MROH2B: variants seen among roughly 807,000 people sequenced by gnomAD.
MROH2B encodes maestro heat like repeat family member 2B, also known as maestro heat-like repeat-containing protein family member 2B.
MROH2B carries 177 observed loss-of-function variants against 208.6 expected under a neutral mutation model. The observed-to-expected ratio is 0.85, with a 90% CI of 0.75 to 0.96. The LOEUF (loss-of-function observed/expected upper bound fraction) is 0.96. Ranked by LOEUF, MROH2B falls within the 40% of genes least tolerant of loss-of-function variation. MROH2B has a pLI of 0.00. For missense variants in MROH2B, 2,002 were observed against 1,878.7 expected (o/e 1.07, Z -1.21); for synonymous variants, 728 against 659.0 (o/e 1.10, Z -1.60).
intron 40 of MROH2B, among the ~76,000 whole-genome samples, chr5:40,998,952 G>T (rs1741299257): frequency 6.6e-6 from 1 of 152,186 alleles, no homozygotes; most frequent in Non-Finnish European, 1.5e-5. Context: ...GATTTCAAAT[G>T]TGTGTAAGAT....
chr5:41,019,393 A>G (rs1561282685), intron 24 of MROH2B, among the ~76,000 whole-genome samples: 2 of 152,176 alleles, frequency 1.3e-5, no homozygotes, highest in South Asian at 4.1e-4. Context: ...AGAGATATGT[A>G]TCTCCTCAAC....
chr5:41,009,482 T>C, intron 31 of MROH2B, 76 bp from the exon 32 acceptor site: 7 of 1,537,180 alleles, frequency 4.6e-6, no homozygotes, highest in Non-Finnish European at 6.2e-6. Context: ...TGACTCACTC[T>C]AAAATCACAT....
chr5:41,015,805 C>A (rs1444291542), intron 28 of MROH2B, among the ~76,000 whole-genome samples: 1 of 152,132 alleles, frequency 6.6e-6, no homozygotes, highest in Non-Finnish European at 1.5e-5. Context: ...GAATTTCAAC[C>A]CTGGTCTGTC....
chr5:41,024,151 A>G (rs1184323781), intron 24 of MROH2B, among the ~76,000 whole-genome samples: 5 of 152,238 alleles, frequency 3.3e-5, no homozygotes, highest in Non-Finnish European at 7.3e-5. Context: ...ACCAGCTAAC[A>G]TCATAATGAC....
intron 41 of MROH2B, 147 bp downstream of exon 41, chr5:40,998,465 G>A (rs1040047295): frequency 4.4e-6 from 3 of 674,938 alleles, no homozygotes; most frequent in African/African-American, 3.6e-5. Context: ...GTACCCTGGA[G>A]AAATTCTAGT....
Position 41,038,723 on chromosome 5 carries a change from C to T in MROH2B, c.2214+13G>A. The T allele has an allele frequency of 6.3e-7, 1 of 1,593,218 alleles. No homozygotes were observed. The highest frequency in any genetic ancestry group is 8.6e-7 in the Non-Finnish European group (1 of 1,167,378). On this transcript the variant is annotated intron_variant, in intron 21 of 41. Coordinates refer to ENST00000399564, the MANE Select transcript of MROH2B (RefSeq NM_173489.5). Reference sequence around the variant, plus strand: ...CAGCCTAGAAATGGAGGCAGCCATGCAACGGGCATTACCTGAGAGCACTGG... The same window carrying T: ...CAGCCTAGAAATGGAGGCAGCCATGTAACGGGCATTACCTGAGAGCACTGG...
At chr5:41,048,295 G>A (rs777459164) in intron 16 of MROH2B, 29 bp downstream of exon 16, 3 of 1,575,484 alleles carry the variant, frequency 1.9e-6, no homozygotes, top group Non-Finnish European at 2.6e-6. Flanking sequence ...TTGCCCCCTG[G>A]GTAAAGACCT....
At chr5:41,063,763 T>C (rs573230971) in intron 5 of MROH2B, among the ~76,000 whole-genome samples, 1 of 152,326 alleles carries the variant, frequency 6.6e-6, no homozygotes, top group South Asian at 2.1e-4. Context: ...ACCTGGTGGC[T>C]CAGTGGCTGA....
At chr5:41,065,200 C>G in intron 4 of MROH2B, 131 bp downstream of exon 4, 2 of 922,996 alleles carry the variant, frequency 2.2e-6, no homozygotes, top group Non-Finnish European at 3.1e-6. Context: ...CTGCCCACAT[C>G]CCTCTGTCAA....
intron 29 of MROH2B, 66 bp from the exon 30 acceptor site, chr5:41,012,801 A>C: frequency 6.3e-7 from 1 of 1,578,276 alleles, no homozygotes; most frequent in Non-Finnish European, 8.6e-7. Context: ...TACTTACAAC[A>C]TGCTGTTGTG....
chr5:41,011,555 A>T (rs540304798), intron 30 of MROH2B, among the ~76,000 whole-genome samples: 2 of 152,308 alleles, frequency 1.3e-5, no homozygotes, highest in East Asian at 3.9e-4. Context: ...TTAACACAAA[A>T]GCTGTGCTTT....
chr5:41,049,392 G>A lies in MROH2B; in HGVS notation c.1389C>T (p.Tyr463=). Residue 463 remains tyrosine, a synonymous_variant, in exon 14 of 42, where the codon TAC becomes TAT. Coordinates refer to ENST00000399564, the MANE Select transcript of MROH2B (RefSeq NM_173489.5). ...TAAACAGGGGCTCCAGAGCTTCTGT[G>A]TATTCTGCAGGTACCACAAAAGTCA... ...RILTFVVPAE[Y]TEALEPLFSI... 6.2e-7 allele frequency: 1 copy of A among 1,613,650 alleles called. No individual in the cohort carries two copies. The highest frequency in any genetic ancestry group is 2.2e-5 in the East Asian group (1 of 44,884).
At chr5:41,037,379 T>C (rs1561293682) in intron 21 of MROH2B, among the ~76,000 whole-genome samples, 1 of 152,200 alleles carries the variant, frequency 6.6e-6, no homozygotes, top group African/African-American at 2.4e-5. Flanking sequence ...TCTCAGATTT[T>C]GGGGGCATCA....
chr5:41,026,840 A>C (rs545949317), intron 24 of MROH2B, among the ~76,000 whole-genome samples: 14 of 152,330 alleles, frequency 9.2e-5, no homozygotes, highest in African/African-American at 3.1e-4. Flanking sequence ...CAAAACAGAG[A>C]TATAGACCAA....
At chr5:41,031,386 C>T (rs1454310647) in intron 24 of MROH2B, among the ~76,000 whole-genome samples, 1 of 152,064 alleles carries the variant, frequency 6.6e-6, no homozygotes, top group East Asian at 1.9e-4. Context: ...GCCTTTGACA[C>T]GTGGAGATTA....
chr5:41,069,276 T>C (rs1743907429), intron 2 of MROH2B, among the ~76,000 whole-genome samples: 1 of 152,228 alleles, frequency 6.6e-6, no homozygotes, highest in Non-Finnish European at 1.5e-5. Flanking sequence ...TAAAAGGTTG[T>C]TGAAATGTGA....
At chr5:41,064,634 T>A in intron 4 of MROH2B, 64 bp from the exon 5 acceptor site, 2 of 1,239,394 alleles carry the variant, frequency 1.6e-6, no homozygotes, top group Non-Finnish European at 2.3e-6. Context: ...GTTCTGTGAC[T>A]CCAAATCAAC....
chr5:41,018,061 C>T, intron 27 of MROH2B, 91 bp from the exon 28 acceptor site: 2 of 1,455,932 alleles, frequency 1.4e-6, no homozygotes, highest in Non-Finnish European at 1.8e-6. Context: ...CTCTTATTTT[C>T]TCTCTGCAGG....
At chr5:41,043,185 A>G (rs1482962940) in intron 18 of MROH2B, among the ~76,000 whole-genome samples, 1 of 152,186 alleles carries the variant, frequency 6.6e-6, no homozygotes. Flanking sequence ...GTGCATATCA[A>G]TCTGGCTTGA....
Sources: gnomAD v4.1 joint callset for allele counts (sites outside exome capture counted in the v4.1 genomes callset) on GRCh38, gnomAD v4.1.1 for gene constraint, MANE v1.5 for transcripts, NCBI Gene and HGNC (gene_info 2026-07-23, HGNC 2026-07-21) for gene names.